Variants in PPP2R2B observed in about 807,000 individuals in gnomAD.
PPP2R2B encodes the protein serine/threonine-protein phosphatase 2A 55 kDa regulatory subunit B beta isoform.
In PPP2R2B, 5 loss-of-function variants were observed where a neutral mutation model predicts 46.0. The observed-to-expected ratio is 0.11, with a 90% CI of 0.06 to 0.23. The LOEUF (loss-of-function observed/expected upper bound fraction) is 0.23, where lower values mean the gene tolerates loss of function less well. PPP2R2B is among the 10% of genes least tolerant of loss of function. The pLI is 1.00. For missense variants in PPP2R2B, 367 were observed against 575.0 expected (o/e 0.64, Z 3.70); for synonymous variants, 215 against 206.7 (o/e 1.04, Z -0.34).
rs9325020 is a variant in PPP2R2B at position 146,629,839 on chromosome 5, C to T, written c.790+8412G>A. ...TCCCTCTCCCTCTCCCTTGCCCTCT[C>T]GTCTTGCTCTGTTGCCTAGGCTAGA... On this transcript the variant is annotated intron_variant, in intron 7 of 9. Transcript: ENST00000394411. 9.4e-3 allele frequency among the ~76,000 whole-genome samples: 1,426 copies of T among 151,642 alleles called. 24 individuals carry two copies. Among genetic ancestry groups the T allele is most frequent in the African/African-American group, 0.032 (1,339 of 41,284 alleles).
chr5:146,682,456 A>G (rs1201194654), intron 5 of PPP2R2B, among the ~76,000 whole-genome samples: 1 of 152,212 alleles, frequency 6.6e-6, no homozygotes, highest in East Asian at 1.9e-4. Flanking sequence ...CAACCTCTGT[A>G]AGAAAGTATA....
chr5:146,982,853 C>T (rs967532210), intron 1 of PPP2R2B, among the ~76,000 whole-genome samples: 3 of 152,028 alleles, frequency 2.0e-5, no homozygotes, highest in Non-Finnish European at 4.4e-5. Context: ...GTAGCCACTT[C>T]TGCTTTCTTC....
At chr5:146,787,544 G>A (rs888607005) in intron 2 of PPP2R2B, among the ~76,000 whole-genome samples, 11 of 148,588 alleles carry the variant, frequency 7.4e-5, no homozygotes, top group Non-Finnish European at 1.0e-4. Context: ...CTCCCCTCTC[G>A]CCTCTCCCCT....
At chr5:146,596,484 T>G (rs1771180318) in intron 8 of PPP2R2B, among the ~76,000 whole-genome samples, 1 of 152,192 alleles carries the variant, frequency 6.6e-6, no homozygotes, top group Admixed American at 6.5e-5. Context: ...TCAGAGTTTG[T>G]TTACCATCAT....
Position 146,850,893 on chromosome 5 carries a change from G to A in PPP2R2B, c.70+27109C>T, listed in dbSNP as rs141735311. Among the ~76,000 whole-genome samples the A allele has an allele frequency of 2.7e-3, 406 of 152,068 alleles. 2 individuals carry two copies. The highest frequency in any genetic ancestry group is 8.4e-3 in the African/African-American group (350 of 41,494). The stretch of plus-strand genomic sequence containing the variant: ...AAGTAAATGTCTGAAAAATGACCAC[G>A]CAATCTATCCATACTGCTGTAAAGA... On this transcript the variant is annotated intron_variant, in intron 2 of 9. Transcript: ENST00000394411.
intron 2 of PPP2R2B, among the ~76,000 whole-genome samples, chr5:146,829,268 A>C (rs936980111): frequency 8.5e-5 from 13 of 152,246 alleles, no homozygotes; most frequent in Non-Finnish European, 1.8e-4. Context: ...TAAGAAAAAA[A>C]CCTATTTTTT....
intron 1 of PPP2R2B, among the ~76,000 whole-genome samples, chr5:146,958,058 AT>A (rs375305542): frequency 1.6e-3 from 234 of 147,980 alleles, no homozygotes; most frequent in African/African-American, 3.7e-3. Flanking sequence ...TCAAACATCT[AT>A]TTTTTTTTTT....
At chr5:146,864,052 C>T (rs1742486783) in intron 2 of PPP2R2B, among the ~76,000 whole-genome samples, 1 of 152,132 alleles carries the variant, frequency 6.6e-6, no homozygotes, top group Non-Finnish European at 1.5e-5. Context: ...CATAATTGTT[C>T]ATACCATTTA....
chr5:146,940,511 GA>G (rs5871997), intron 1 of PPP2R2B, among the ~76,000 whole-genome samples: 135 of 143,178 alleles, frequency 9.4e-4, no homozygotes, highest in Middle Eastern at 3.7e-3. Flanking sequence ...TTTGCTAGGG[GA>G]AAAAAAAAAA....
At chr5:146,662,701 A>G (rs1776742339) in intron 5 of PPP2R2B, among the ~76,000 whole-genome samples, 1 of 152,196 alleles carries the variant, frequency 6.6e-6, no homozygotes. Flanking sequence ...TTATAGTTCT[A>G]TACTGATTGA....
chr5:146,635,764 T>C (rs1055529864), intron 7 of PPP2R2B, among the ~76,000 whole-genome samples: 6 of 152,208 alleles, frequency 3.9e-5, no homozygotes, highest in Non-Finnish European at 8.8e-5. Flanking sequence ...CCATTCCCAC[T>C]TGTTATTTAT....
chr5:146,759,215 G>T (rs987273304), intron 2 of PPP2R2B, among the ~76,000 whole-genome samples: 1 of 152,056 alleles, frequency 6.6e-6, no homozygotes, highest in African/African-American at 2.4e-5. Flanking sequence ...AGTTACATAA[G>T]GCTTAAGAAC....
intron 2 of PPP2R2B, among the ~76,000 whole-genome samples, chr5:146,782,695 T>C (rs1755605536): frequency 1.3e-5 from 2 of 152,222 alleles, no homozygotes; most frequent in Non-Finnish European, 2.9e-5. Context: ...AGTTGATCCA[T>C]AGTTTTTCAA....
chr5:146,687,847 T>C (rs879577311), intron 5 of PPP2R2B, among the ~76,000 whole-genome samples: 13 of 152,192 alleles, frequency 8.5e-5, no homozygotes, highest in Admixed American at 8.5e-4. Context: ...TGTCGGGTAT[T>C]ATTAAATGTT....
chr5:146,867,795 C>T (rs557444739), intron 2 of PPP2R2B, among the ~76,000 whole-genome samples: 2 of 152,336 alleles, frequency 1.3e-5, no homozygotes, highest in Admixed American at 6.5e-5. Flanking sequence ...GAGAACAAGA[C>T]TATAGGCTTA....
At chr5:146,621,011 G>A (rs781013821) in intron 7 of PPP2R2B, among the ~76,000 whole-genome samples, 1 of 152,196 alleles carries the variant, frequency 6.6e-6, no homozygotes, top group African/African-American at 2.4e-5. Flanking sequence ...AAGGGAGAGA[G>A]GAGCAGCTCC....
intron 1 of PPP2R2B, among the ~76,000 whole-genome samples, chr5:146,945,581 G>C (rs543112772): frequency 3.9e-5 from 6 of 152,150 alleles, no homozygotes; most frequent in Non-Finnish European, 8.8e-5. Context: ...TGCTGCTATA[G>C]CAGCTGCTGA....
chr5:146,668,553 G>C (rs193278568), intron 5 of PPP2R2B, among the ~76,000 whole-genome samples: 1 of 152,090 alleles, frequency 6.6e-6, no homozygotes, highest in Non-Finnish European at 1.5e-5. Context: ...AGAAAATTAC[G>C]TAATTACTTC....
chr5:146,764,842 A>ACACG (rs1754380286), intron 2 of PPP2R2B, among the ~76,000 whole-genome samples: 1 of 152,056 alleles, frequency 6.6e-6, no homozygotes, highest in Non-Finnish European at 1.5e-5. Flanking sequence ...ACGCACACAC[A>ACACG]CACGCACACG....
Sources: gnomAD v4.1 joint callset for allele counts (sites outside exome capture counted in the v4.1 genomes callset) on GRCh38, gnomAD v4.1.1 for gene constraint, MANE v1.5 for transcripts, NCBI Gene and HGNC (gene_info 2026-07-23, HGNC 2026-07-21) for gene names.